Variants in FAM53A observed in about 807,000 individuals in gnomAD.
FAM53A encodes the protein protein FAM53A.
Under a neutral mutation model 26.6 loss-of-function variants are expected in FAM53A, and 28 were observed. That is an observed-to-expected ratio of 1.05 (90% CI 0.78 to 1.45). The LOEUF (loss-of-function observed/expected upper bound fraction) is 1.45. FAM53A is among the 40% of genes most tolerant of loss of function. FAM53A has a pLI of 0.00. For missense variants in FAM53A, 650 were observed against 575.8 expected (o/e 1.13, Z -1.32); for synonymous variants, 290 against 253.1 (o/e 1.15, Z -1.38).
At chr4:1,591,943 G>T in the FAM53A span, among the ~76,000 whole-genome samples, 1 of 152,222 alleles carries the variant, frequency 6.6e-6, no homozygotes, top group Non-Finnish European at 1.5e-5. Flanking sequence ...AGGGTAGAAA[G>T]AGAAGACTTT....
intron 1 of FAM53A, among the ~76,000 whole-genome samples, chr4:1,677,072 C>T (rs1397033412): frequency 6.6e-6 from 1 of 152,178 alleles, no homozygotes; most frequent in Non-Finnish European, 1.5e-5. Flanking sequence ...TGTGCTCTAG[C>T]CCACTCGGGG....
At chr4:1,637,319 C>T (rs1399743067), downstream of FAM53A, among the ~76,000 whole-genome samples, 1 of 152,188 alleles carries the variant, frequency 6.6e-6, no homozygotes, top group African/African-American at 2.4e-5. Flanking sequence ...TGCCACCCCA[C>T]GCTGCCAGGG....
At chr4:1,608,029 TTGAACCCGGGAGGCGGAGGTCGCAG>T in the FAM53A span, among the ~76,000 whole-genome samples, 1 of 151,974 alleles carries the variant, frequency 6.6e-6, no homozygotes, top group South Asian at 2.1e-4. Context: ...GGAGAATCAC[TTGAACCCGGGAGGCGGAGGTCGCAG>T]TGAGCCGAGA....
At chr4:1,654,913 TCACC>T in intron 4 of FAM53A, 61 bp downstream of exon 4, 1 of 1,449,288 alleles carries the variant, frequency 6.9e-7, no homozygotes, top group Non-Finnish European at 9.1e-7. Context: ...TCAGCCAGCC[TCACC>T]CCAGCACCGC....
At chr4:1,675,082 G>A (rs1714949320) in intron 1 of FAM53A, among the ~76,000 whole-genome samples, 1 of 152,232 alleles carries the variant, frequency 6.6e-6, no homozygotes, top group Non-Finnish European at 1.5e-5. Context: ...GCCCCTCTAA[G>A]GCAGTGACAT....
intron 1 of FAM53A, among the ~76,000 whole-genome samples, chr4:1,623,337 C>T (rs74913113): frequency 0.2 from 31,068 of 151,998 alleles, 3,394 homozygotes; most frequent in African/African-American, 0.3. Context: ...CTGCCACCCC[C>T]ACCCCCACCG....
At chr4:1,675,819 G>A (rs537146168) in intron 1 of FAM53A, among the ~76,000 whole-genome samples, 10 of 152,030 alleles carry the variant, frequency 6.6e-5, no homozygotes, top group African/African-American at 1.9e-4. Context: ...TTCTCCCCTC[G>A]CTCCCCAGGA....
At chr4:1,599,998 C>T in the FAM53A span, among the ~76,000 whole-genome samples, 3 of 152,088 alleles carry the variant, frequency 2.0e-5, no homozygotes, top group Non-Finnish European at 4.4e-5. The surrounding 1 kb of genome is among the most constrained non-coding windows in gnomAD (Gnocchi z 6.1). Flanking sequence ...ACGTGTGACC[C>T]CCTCTCCCAC....
intron 4 of FAM53A, chr4:1,644,160 C>G: frequency 6.5e-7 from 1 of 1,530,572 alleles, no homozygotes; most frequent in Non-Finnish European, 8.7e-7. Flanking sequence ...GCACTACACA[C>G]GCACCGGGGT....
chr4:1,609,692 G>A, the FAM53A span, among the ~76,000 whole-genome samples: 1 of 152,136 alleles, frequency 6.6e-6, no homozygotes, highest in South Asian at 2.1e-4. Context: ...GCCAGGTGCA[G>A]TGGCTCACGC....
rs534360357 is a variant in FAM53A at position 1,630,119 on chromosome 4, G to A, written c.432-12008C>T. ...GCTGCCTGCCTGCCAGGTGTGGTGAGGGTATGAGTCCTGGACAAGGGGACC... is the reference window on the plus strand; with the variant it reads ...GCTGCCTGCCTGCCAGGTGTGGTGAAGGTATGAGTCCTGGACAAGGGGACC... On this transcript the variant is annotated intron_variant, in intron 1 of 1. Coordinates refer to the FAM53A transcript ENST00000489029. The surrounding 1 kb of genome is among the most constrained non-coding windows in gnomAD (Gnocchi z 4.3). 6.6e-6 allele frequency among the ~76,000 whole-genome samples: 1 copy of A among 152,200 alleles called. No homozygotes were observed. Among genetic ancestry groups the A allele is most frequent in the Non-Finnish European group, 1.5e-5 (1 of 68,028 alleles).
chr4:1,627,278 G>A (rs1052809618), intron 1 of FAM53A, among the ~76,000 whole-genome samples: 1 of 152,232 alleles, frequency 6.6e-6, no homozygotes, highest in Non-Finnish European at 1.5e-5. Context: ...AGAGTGCTCA[G>A]GCAGGGCCTG....
chr4:1,619,547 C>T (rs1378342651), intron 1 of FAM53A, among the ~76,000 whole-genome samples: 2 of 152,222 alleles, frequency 1.3e-5, no homozygotes, highest in Admixed American at 1.3e-4. Context: ...ATCTCCCTCC[C>T]GCACCAGGTG....
intron 1 of FAM53A, among the ~76,000 whole-genome samples, chr4:1,671,749 G>C (rs1027613217): frequency 6.6e-6 from 1 of 152,270 alleles, no homozygotes; most frequent in Non-Finnish European, 1.5e-5. Context: ...TTCACACCGT[G>C]CACCACGAGG....
chr4:1,608,676 A>G, the FAM53A span, among the ~76,000 whole-genome samples: 1 of 151,948 alleles, frequency 6.6e-6, no homozygotes, highest in Non-Finnish European at 1.5e-5. Flanking sequence ...CGGCTCCGGC[A>G]CCTGACACCC....
chr4:1,628,986 C>G (rs1342484874), intron 1 of FAM53A, among the ~76,000 whole-genome samples: 1 of 151,896 alleles, frequency 6.6e-6, no homozygotes, highest in African/African-American at 2.4e-5. Flanking sequence ...CTTAAATCCA[C>G]GATGAGTCCC....
the FAM53A span, among the ~76,000 whole-genome samples, chr4:1,605,223 A>G: frequency 1.3e-5 from 2 of 152,130 alleles, no homozygotes; most frequent in Non-Finnish European, 2.9e-5. This position sits in a 1 kb window ranked among gnomAD's most constrained non-coding sequence, Gnocchi z 5.7. Flanking sequence ...TCCGCTCCAC[A>G]ACGTCGGAGG....
In FAM53A at chr4:1,668,864, C is replaced by T. The variant is rs1401412985; in HGVS notation, c.-123G>A. The T allele has an allele frequency of 2.4e-6, 2 of 824,002 alleles. No homozygotes were observed. Among genetic ancestry groups the T allele is most frequent in the Non-Finnish European group, 2.0e-6 (1 of 504,082 alleles). 51.0% of individuals were successfully genotyped at this position (824,002 alleles called of 1,614,324 possible). On this transcript the variant is annotated 5_prime_UTR_variant, in exon 2 of 5. Transcript: ENST00000308132. ...CAAGGTCATGTCTCCACTTTCTTTA[C>T]AGATGAGCAGTCCACGCCCACGGGC...
intron 4 of FAM53A, among the ~76,000 whole-genome samples, chr4:1,650,096 G>A (rs1405936681): frequency 7.8e-6 from 1 of 127,990 alleles, no homozygotes; most frequent in African/African-American, 3.0e-5. Context: ...TGGCACAGGC[G>A]TGGCGTTTGA....
Sources: allele counts gnomAD v4.1 joint callset (sites outside exome capture counted in the v4.1 genomes callset), GRCh38; gene constraint gnomAD v4.1.1; non-coding constraint Gnocchi (gnomAD v3.1); transcripts MANE v1.5; gene names NCBI Gene and HGNC (gene_info 2026-07-23, HGNC 2026-07-21).